Variants in BDP1 observed in about 807,000 individuals in gnomAD.
BDP1 encodes transcription factor TFIIIB component B'' homolog.
A neutral mutation model predicts 266.6 loss-of-function variants in BDP1; 169 were observed. That is an observed-to-expected ratio of 0.63 (90% confidence interval 0.56 to 0.72). BDP1 has a LOEUF of 0.72. Ranked by LOEUF, BDP1 falls within the 30% of genes least tolerant of loss-of-function variation. The pLI is 0.00. For missense variants in BDP1, 3,015 were observed against 3,053.8 expected (o/e 0.99, Z 0.30); for synonymous variants, 1,090 against 1,022.4 (o/e 1.07, Z -1.26).
Position 71,470,392 on chromosome 5 carries a change from C to T in BDP1, c.920-3C>T, listed in dbSNP as rs749119110. On this transcript the variant is annotated splice_polypyrimidine_tract_variant and splice_region_variant and intron_variant, in intron 6 of 38. Transcript: ENST00000358731. Reference sequence around the variant, plus strand: ...AATCATTCTAAATCTTTTATTTTCACAGAAACAGATATGTTTTTTTTAGCC... The same window carrying T: ...AATCATTCTAAATCTTTTATTTTCATAGAAACAGATATGTTTTTTTTAGCC... 15 of 1,578,480 alleles carry T rather than the reference C, an allele frequency of 9.5e-6. No homozygotes were observed. The Admixed American group carries it at 1.2e-4, about 13-fold the overall frequency.
intron 22 of BDP1, among the ~76,000 whole-genome samples, chr5:71,520,955 A>G (rs1301023334): frequency 6.6e-6 from 1 of 152,014 alleles, no homozygotes; most frequent in Admixed American, 6.5e-5. Context: ...CTGGGAAACC[A>G]AGGCGGGCGA....
intron 7 of BDP1, among the ~76,000 whole-genome samples, chr5:71,471,651 G>C (rs191143701): frequency 2.5e-4 from 38 of 152,218 alleles, no homozygotes; most frequent in African/African-American, 8.4e-4. Context: ...CTGTTTTTTA[G>C]TTTCTTTGCT....
intron 34 of BDP1, 109 bp downstream of exon 34, chr5:71,549,715 T>A (rs1742611282): frequency 2.3e-6 from 2 of 856,654 alleles, no homozygotes; most frequent in African/African-American, 3.5e-5. Flanking sequence ...GTTGTGGAGA[T>A]CTTATTTATC....
At position 71,467,416 on chromosome 5, in the gene BDP1, T is replaced by A; in HGVS notation, c.848T>A (p.Phe283Tyr). The change falls in exon 6 of 39, where the codon TTT becomes TAT. Residue 283 changes from phenylalanine to tyrosine, a missense_variant. Transcript: ENST00000358731. ...PCVVEENDPI[F>Y]ERGSTTTYSS... ...GTTGTTGAAGAAAATGACCCCATAT[T>A]TGAGCGCGGTTCTACAACTACATAC... 6.2e-7 allele frequency: 1 copy of A among 1,610,908 alleles called. No homozygotes were observed.
chr5:71,502,499 T>G, intron 14 of BDP1, 100 bp from the exon 15 acceptor site: 1 of 1,106,668 alleles, frequency 9.0e-7, no homozygotes, highest in South Asian at 1.8e-5. Flanking sequence ...AGGAAACTTG[T>G]GAATTATTTC....
At chr5:71,493,764 C>G (rs1325246653) in intron 11 of BDP1, among the ~76,000 whole-genome samples, 1 of 152,184 alleles carries the variant, frequency 6.6e-6, no homozygotes, top group Non-Finnish European at 1.5e-5. Flanking sequence ...TGAATTGACT[C>G]AGTGGAACTG....
rs374986180 is a variant in BDP1, at chr5:71,470,401, A to G, written c.926A>G (p.Asp309Gly). 74 of 1,594,138 alleles carry G rather than the reference A, an allele frequency of 4.6e-5. No homozygotes were observed. Among genetic ancestry groups the G allele is most frequent in the Non-Finnish European group, 5.9e-5 (69 of 1,167,214 alleles). ...YSKPWSNKETDMFFLAISMVG... is the reference protein window; with the variant it reads ...YSKPWSNKETGMFFLAISMVG... ...AAATCTTTTATTTTCACAGAAACAG[A>G]TATGTTTTTTTTAGCCATCAGCATG... is the stretch of plus-strand genomic sequence containing the variant. Residue 309 changes from aspartate to glycine, a missense_variant, in exon 7 of 39, where the codon GAT (aspartate) becomes GGT (glycine). Transcript: ENST00000358731.
chr5:71,553,771 A>G (rs895627411), intron 35 of BDP1, among the ~76,000 whole-genome samples: 21 of 152,022 alleles, frequency 1.4e-4, no homozygotes, highest in Non-Finnish European at 8.8e-5. Flanking sequence ...AGTGCCCCAC[A>G]TTGTCTTGCT....
Position 71,464,072 on chromosome 5 carries a change from A to G in BDP1, c.614A>G (p.Gln205Arg), listed in dbSNP as rs1254505810. Residue 205 changes from glutamine to arginine, a missense_variant, in exon 4 of 39, where the codon CAA (glutamine) becomes CGA (arginine). Physicochemically the swap from Gln to Arg is conservative, Grantham distance 43. Transcript: ENST00000358731. Reference sequence around the variant, plus strand: ...ATGTTCAATAGTTCTTCACTGGAACAAGAAAAGAAAACTGAAAAGCCATCG... The same window carrying G: ...ATGTTCAATAGTTCTTCACTGGAACGAGAAAAGAAAACTGAAAAGCCATCG... ...DNNPMTSSLE[Q>R]EKKTEKPSTP... is the part of the protein sequence containing the mutation. The G allele has an allele frequency of 6.4e-7, 1 of 1,573,324 alleles. No homozygotes were observed. Among genetic ancestry groups the G allele is most frequent in the Non-Finnish European group, 8.6e-7 (1 of 1,156,324 alleles).
chr5:71,529,805 A>T (rs889986596), intron 25 of BDP1, among the ~76,000 whole-genome samples: 33 of 152,264 alleles, frequency 2.2e-4, no homozygotes, highest in Admixed American at 2.2e-3. Flanking sequence ...GTTACAAAGT[A>T]TCGCATACTG....
At chr5:71,548,538 C>T (rs934821107) in intron 32 of BDP1, 144 bp from the exon 33 acceptor site, 3 of 552,552 alleles carry the variant, frequency 5.4e-6, no homozygotes, top group Non-Finnish European at 9.8e-6. Flanking sequence ...TTTATTGGAA[C>T]AGCCTAAAGC....
chr5:71,566,717 A>G lies in BDP1; in HGVS notation c.*1832A>G, dbSNP rs970715766. ...GTTTGACCCCCTACATTAGGCCCCA[A>G]ATTTTCTTACCCTGAGGTGCTGATA... On this transcript the variant is annotated 3_prime_UTR_variant, in exon 39 of 39. Transcript: ENST00000358731. 3.9e-5 allele frequency: 6 copies of G among 152,174 alleles called. No individual in the cohort carries two copies. The highest frequency in any genetic ancestry group is 2.1e-4 in the South Asian group (1 of 4,828). The allele number at this position is 152,174 out of a possible 1,614,324, so 9.4% of individuals were successfully genotyped here.
At chr5:71,476,509 C>A (rs532641667) in intron 7 of BDP1, among the ~76,000 whole-genome samples, 2 of 151,204 alleles carry the variant, frequency 1.3e-5, no homozygotes, top group African/African-American at 2.4e-5. Flanking sequence ...TTGTTTTTTC[C>A]ATAGCCCCAA....
rs145728105 is a variant in BDP1 at position 71,459,179 on chromosome 5, A to G, written c.489+324A>G. Among the ~76,000 whole-genome samples the G allele has an allele frequency of 8.5e-5, 13 of 152,336 alleles. No individual in the cohort carries two copies. The East Asian group carries it at 2.1e-3, about 25-fold the overall frequency. On this transcript the variant is annotated intron_variant, in intron 2 of 38. Transcript: ENST00000358731. ...AAACCTTCAGTCTGATTTTTCACAT[A>G]AAGATGTCCAAGTGATAAGTGATAT...
intron 25 of BDP1, among the ~76,000 whole-genome samples, chr5:71,526,013 C>T (rs1409500167): frequency 6.6e-6 from 1 of 151,796 alleles, no homozygotes; most frequent in Non-Finnish European, 1.5e-5. Flanking sequence ...CAGGCAGAGA[C>T]GCTCCTCACT....
intron 19 of BDP1, among the ~76,000 whole-genome samples, chr5:71,513,769 G>T (rs2150483319): frequency 6.6e-6 from 1 of 151,894 alleles, no homozygotes; most frequent in Non-Finnish European, 1.5e-5. Context: ...TCCCAGGCTG[G>T]AGTGCAGTGG....
intron 26 of BDP1, among the ~76,000 whole-genome samples, chr5:71,537,149 C>CA (rs70992979): frequency 0.2 from 16,765 of 82,580 alleles, 1,084 homozygotes; most frequent in Middle Eastern, 0.26. Context: ...ACCAAAAAAC[C>CA]AAAAAAAAAA....
At position 71,495,266 on chromosome 5, in the gene BDP1, A is replaced by G. The variant is rs1297297924; in HGVS notation, c.1657A>G (p.Thr553Ala). 1 of 1,565,890 alleles carries G rather than the reference A, an allele frequency of 6.4e-7. No individual in the cohort carries two copies. Among genetic ancestry groups the G allele is most frequent in the East Asian group, 2.3e-5 (1 of 43,832 alleles). Residue 553 changes from threonine to alanine, a missense_variant, in exon 12 of 39, where the codon ACA (threonine) becomes GCA (alanine). By Grantham distance (58) the Thr-to-Ala change is moderately conservative (BLOSUM62 0). Coordinates refer to ENST00000358731, the MANE Select transcript of BDP1 (RefSeq NM_018429.3). ...TTTTTTTAGTAATCAACAAGATGCC[A>G]CATCAGTAGCAACTGAGTCTTCAGA... is the stretch of plus-strand genomic sequence containing the variant. ...ILSLSNQQDATSVATESSESS... is the reference protein window; with the variant it reads ...ILSLSNQQDAASVATESSESS...
intron 34 of BDP1, among the ~76,000 whole-genome samples, chr5:71,552,185 T>G (rs1384694099): frequency 1.6e-5 from 2 of 125,652 alleles, no homozygotes; most frequent in Non-Finnish European, 3.4e-5. Flanking sequence ...CCAGACAGGG[T>G]CGCGGCCGGG....
Sources: gnomAD v4.1 joint callset for allele counts (sites outside exome capture counted in the v4.1 genomes callset) on GRCh38, gnomAD v4.1.1 for gene constraint, MANE v1.5 for transcripts, NCBI Gene and HGNC (gene_info 2026-07-23, HGNC 2026-07-21) for gene names.